Variants in PCDH15 observed in about 807,000 individuals in gnomAD.
PCDH15 encodes protocadherin-15.
PCDH15 carries 129 observed loss-of-function variants against 178.5 expected under a neutral mutation model. The ratio of observed to expected loss-of-function variants is 0.72; its 90% CI spans 0.63 to 0.84. The LOEUF is 0.84. Ranked by LOEUF, PCDH15 falls within the 40% of genes least tolerant of loss-of-function variation. The probability of loss-of-function intolerance (pLI) is 0.00; values close to 1 mark genes in which losing one functional copy is unlikely to be tolerated. For synonymous variants in PCDH15, 800 were observed against 732.0 expected (o/e 1.09, Z -1.50); for missense variants, 2,230 against 2,099.9 (o/e 1.06, Z -1.21).
intron 2 of PCDH15, among the ~76,000 whole-genome samples, chr10:55,605,192 C>T (rs1422044966): frequency 1.3e-5 from 2 of 151,552 alleles, no homozygotes; most frequent in Non-Finnish European, 3.0e-5. Context: ...CAAGACTAAA[C>T]CAGGAAGAAG....
intron 28 of PCDH15, among the ~76,000 whole-genome samples, chr10:53,844,799 A>G (rs1291281687): frequency 1.3e-5 from 2 of 152,032 alleles, no homozygotes; most frequent in African/African-American, 4.8e-5. Flanking sequence ...TTGGGAAGAG[A>G]CTTCAGGACA....
intron 2 of PCDH15, among the ~76,000 whole-genome samples, chr10:54,659,970 A>T (rs962423680): frequency 6.6e-6 from 1 of 152,116 alleles, no homozygotes; most frequent in African/African-American, 2.4e-5. Flanking sequence ...CTAAATGCCT[A>T]CATAAAAAGA....
At chr10:54,867,065 A>T (rs1953955518) in intron 3 of PCDH15, among the ~76,000 whole-genome samples, 1 of 152,190 alleles carries the variant, frequency 6.6e-6, no homozygotes, top group Non-Finnish European at 1.5e-5. Flanking sequence ...GTGGGATATA[A>T]CATAGCATCA....
At chr10:54,374,294 G>A (rs992336416) in intron 4 of PCDH15, among the ~76,000 whole-genome samples, 29 of 152,074 alleles carry the variant, frequency 1.9e-4, no homozygotes, top group Non-Finnish European at 5.9e-5. Flanking sequence ...AGCCCCTTTT[G>A]CAGCTACCAA....
At chr10:54,245,462 A>C (rs777950321) in intron 8 of PCDH15, among the ~76,000 whole-genome samples, 2 of 152,188 alleles carry the variant, frequency 1.3e-5, no homozygotes, top group Non-Finnish European at 2.9e-5. Context: ...ACTTTACCAA[A>C]TAAAGCTTTG....
chr10:54,196,997 A>G (rs191386220), intron 10 of PCDH15, among the ~76,000 whole-genome samples: 2 of 152,304 alleles, frequency 1.3e-5, no homozygotes, highest in East Asian at 1.9e-4. Context: ...AAAGAAACGT[A>G]GACAATTCCC....
At chr10:55,231,286 G>A (rs1257811844) in intron 1 of PCDH15, among the ~76,000 whole-genome samples, 1 of 151,940 alleles carries the variant, frequency 6.6e-6, no homozygotes, top group East Asian at 1.9e-4. Context: ...GAGAACTTTT[G>A]TTGAAGGAGA....
intron 2 of PCDH15, among the ~76,000 whole-genome samples, chr10:55,402,584 T>C (rs934327583): frequency 2.0e-5 from 3 of 152,074 alleles, no homozygotes; most frequent in African/African-American, 7.2e-5. Flanking sequence ...TTTGTCTTTC[T>C]GTGCCTGGCT....
At chr10:55,159,407 TATATTATAA>T (rs1838997996) in intron 2 of PCDH15, among the ~76,000 whole-genome samples, 1 of 131,736 alleles carries the variant, frequency 7.6e-6, no homozygotes, top group Non-Finnish European at 1.7e-5. Context: ...ACACATTATA[TATATTATAA>T]AGATATATAT....
intron 8 of PCDH15, among the ~76,000 whole-genome samples, chr10:54,270,317 C>T (rs1367559183): frequency 2.6e-5 from 4 of 152,128 alleles, no homozygotes; most frequent in Non-Finnish European, 4.4e-5. Context: ...ATTTTATCCA[C>T]TGCAGCAACT....
chr10:54,853,040 C>G (rs1408117546), intron 3 of PCDH15, among the ~76,000 whole-genome samples: 2 of 151,044 alleles, frequency 1.3e-5, no homozygotes, highest in Non-Finnish European at 3.0e-5. Flanking sequence ...GCAGGCAGAT[C>G]ACCCGAGGTT....
At chr10:53,943,433 G>C (rs145363545) in intron 23 of PCDH15, among the ~76,000 whole-genome samples, 19 of 151,810 alleles carry the variant, frequency 1.3e-4, no homozygotes, top group African/African-American at 4.6e-4. Context: ...CCAAGATCAC[G>C]CCACTGCACT....
intron 18 of PCDH15, among the ~76,000 whole-genome samples, chr10:54,058,299 G>A (rs1426645038): frequency 6.6e-6 from 1 of 152,186 alleles, no homozygotes; most frequent in East Asian, 1.9e-4. Context: ...ACCTGAGACT[G>A]GGTAATTTAT....
chr10:53,887,595 A>T (rs2081184830), intron 26 of PCDH15, among the ~76,000 whole-genome samples: 1 of 152,000 alleles, frequency 6.6e-6, no homozygotes, highest in Admixed American at 6.5e-5. Context: ...ATTTTTAAAA[A>T]CTCATTAAAC....
At chr10:54,358,925 A>G (rs1945516526) in intron 5 of PCDH15, among the ~76,000 whole-genome samples, 1 of 148,936 alleles carries the variant, frequency 6.7e-6, no homozygotes, top group South Asian at 2.2e-4. Context: ...AAAACCAAAC[A>G]CCGCATATTC....
upstream of PCDH15, among the ~76,000 whole-genome samples, chr10:54,803,487 G>A (rs1004458451): frequency 1.1e-4 from 16 of 152,126 alleles, no homozygotes; most frequent in Admixed American, 3.9e-4. Flanking sequence ...AAGCTTGTGA[G>A]CCTTTGTGCT....
intron 25 of PCDH15, among the ~76,000 whole-genome samples, chr10:53,910,378 G>C (rs565123913): frequency 6.6e-6 from 1 of 152,292 alleles, no homozygotes; most frequent in East Asian, 1.9e-4. Flanking sequence ...ACAGTTTGGA[G>C]TGGAGCTCCA....
At chr10:55,328,440 G>A (rs1405411551) in intron 2 of PCDH15, among the ~76,000 whole-genome samples, 1 of 151,708 alleles carries the variant, frequency 6.6e-6, no homozygotes, top group African/African-American at 2.4e-5. Flanking sequence ...GAATACTGTA[G>A]GCAATTGAAA....
intron 13 of PCDH15, among the ~76,000 whole-genome samples, chr10:54,178,024 G>A (rs1442716138): frequency 6.6e-6 from 1 of 152,006 alleles, no homozygotes; most frequent in East Asian, 1.9e-4. Context: ...AGATGAAAAA[G>A]AGAAGAAGTA....
Sources: gnomAD v4.1 joint callset for allele counts (sites outside exome capture counted in the v4.1 genomes callset) on GRCh38, gnomAD v4.1.1 for gene constraint, MANE v1.5 for transcripts, NCBI Gene and HGNC (gene_info 2026-07-23, HGNC 2026-07-21) for gene names.